CEP97: variants seen among roughly 807,000 people sequenced by gnomAD.
CEP97 encodes centrosomal protein 97, also known as centrosomal protein of 97 kDa.
A neutral mutation model predicts 73.1 loss-of-function variants in CEP97; 43 were observed. The ratio of observed to expected loss-of-function variants is 0.59; its 90% CI spans 0.46 to 0.76. CEP97 has a LOEUF of 0.76. Among genes scored for constraint, CEP97 ranks in the 30% least tolerant of loss-of-function variants. The probability of loss-of-function intolerance (pLI) is 0.00; values close to 1 mark genes in which losing one functional copy is unlikely to be tolerated. For synonymous variants in CEP97, 337 were observed against 370.0 expected (o/e 0.91, Z 1.02); for missense variants, 939 against 1,014.0 (o/e 0.93, Z 1.00).
At chr3:101,732,237 G>A in intron 5 of CEP97, among the ~76,000 whole-genome samples, 1 of 152,120 alleles carries the variant, frequency 6.6e-6, no homozygotes, top group East Asian at 1.9e-4. Flanking sequence ...ACCTTTCCTG[G>A]CTGCTGTGAT....
intron 6 of CEP97, among the ~76,000 whole-genome samples, chr3:101,751,577 C>A (rs552376167): frequency 3.0e-4 from 45 of 152,266 alleles, no homozygotes; most frequent in African/African-American, 1.1e-3. Flanking sequence ...TAAAGACTTG[C>A]TTTATGAATC....
At chr3:101,758,506 C>A in intron 9 of CEP97, 83 bp downstream of exon 9, 1 of 1,497,544 alleles carries the variant, frequency 6.7e-7, no homozygotes, top group South Asian at 1.2e-5. Context: ...CACTGTGCTT[C>A]TGTGATTATA....
At chr3:101,752,497 CT>C (rs1294252535) in intron 6 of CEP97, among the ~76,000 whole-genome samples, 1 of 152,196 alleles carries the variant, frequency 6.6e-6, no homozygotes, top group Non-Finnish European at 1.5e-5. Context: ...TGTTTTCCAA[CT>C]TGGTTCCATT....
chr3:101,733,410 A>T (rs2107137797), intron 6 of CEP97, among the ~76,000 whole-genome samples: 1 of 152,302 alleles, frequency 6.6e-6, no homozygotes, highest in Non-Finnish European at 1.5e-5. Flanking sequence ...CAGTATTAGT[A>T]GTATCTTAGA....
rs1441882108 is a variant in CEP97 at position 101,766,116 on chromosome 3, G to A, written c.*565G>A. The stretch of plus-strand genomic sequence containing the variant: ...TCTATAAGCAAATTAAGGAAGAAAA[G>A]GTAGGATTATAAGATTTCTCAATGG... On this transcript the variant is annotated 3_prime_UTR_variant, in exon 11 of 11. Transcript: ENST00000341893. 1 of 152,046 alleles carries A rather than the reference G, an allele frequency of 6.6e-6. No individual in the cohort carries two copies. The highest frequency in any genetic ancestry group is 2.4e-5 in the African/African-American group (1 of 41,396). 9.4% of individuals were successfully genotyped at this position (152,046 alleles called of 1,614,324 possible).
chr3:101,752,231 C>T (rs1236233531), intron 6 of CEP97, among the ~76,000 whole-genome samples: 2 of 152,330 alleles, frequency 1.3e-5, no homozygotes, highest in Admixed American at 1.3e-4. Flanking sequence ...CCCCCACTCT[C>T]TTCTGGCTTG....
At chr3:101,742,208 C>T (rs1938481350) in intron 6 of CEP97, among the ~76,000 whole-genome samples, 1 of 151,984 alleles carries the variant, frequency 6.6e-6, no homozygotes, top group African/African-American at 2.4e-5. Context: ...CCAGAAATAC[C>T]ATCTGACTCA....
chr3:101,761,407 T>G (rs1243460382), intron 9 of CEP97, among the ~76,000 whole-genome samples: 1 of 152,134 alleles, frequency 6.6e-6, no homozygotes. Flanking sequence ...AGAGCATCCA[T>G]GTGAATGTTG....
At position 101,765,367 on chromosome 3, in the gene CEP97, T is replaced by A; in HGVS notation, c.2414T>A (p.Phe805Tyr). ...TRDSKLHIAC[F>Y]PVQLDTLSDG... ...GATAGCAAACTTCACATTGCTTGTT[T>A]CCCAGTACAGTTAGATACATTGTCT... Residue 805 changes from phenylalanine to tyrosine, a missense_variant, in exon 11 of 11, where the codon TTC (phenylalanine) becomes TAC (tyrosine). By Grantham distance (22) the Phe-to-Tyr change is conservative. Transcript: ENST00000341893. 1.2e-6 allele frequency: 2 copies of A among 1,614,190 alleles called. No individual in the cohort carries two copies. Among genetic ancestry groups the A allele is most frequent in the Non-Finnish European group, 1.7e-6 (2 of 1,180,034 alleles).
chr3:101,734,369 C>T (rs755035260), intron 6 of CEP97, among the ~76,000 whole-genome samples: 3 of 152,194 alleles, frequency 2.0e-5, no homozygotes, highest in Non-Finnish European at 4.4e-5. Flanking sequence ...CTTCATTTAA[C>T]TTTTTTCTCT....
intron 6 of CEP97, among the ~76,000 whole-genome samples, chr3:101,736,241 A>C (rs1310014824): frequency 6.6e-6 from 1 of 152,166 alleles, no homozygotes; most frequent in Non-Finnish European, 1.5e-5. Flanking sequence ...GGGACAGAGC[A>C]CCTGGGGGAA....
At chr3:101,732,873 C>G (rs1200852442) in intron 6 of CEP97, among the ~76,000 whole-genome samples, 2 of 151,788 alleles carry the variant, frequency 1.3e-5, no homozygotes, top group Admixed American at 1.3e-4. Context: ...GCCTGTAATC[C>G]TTGCACTTTG....
At chr3:101,744,447 G>A (rs568422114) in intron 6 of CEP97, among the ~76,000 whole-genome samples, 6 of 152,188 alleles carry the variant, frequency 3.9e-5, no homozygotes, top group South Asian at 2.1e-4. Flanking sequence ...GCTGGGTGTG[G>A]TAGCACATGC....
rs752789865 is a variant in CEP97 at position 101,757,860 on chromosome 3, A to C, written c.1254A>C (p.Thr418=). 1.2e-6 allele frequency: 2 copies of C among 1,614,236 alleles called. No individual in the cohort carries two copies. The highest frequency in any genetic ancestry group is 2.2e-5 in the South Asian group (2 of 91,092). The change falls in exon 9 of 11, where the codon ACA becomes ACC. Residue 418 remains threonine, a synonymous_variant. Coordinates refer to ENST00000341893, the MANE Select transcript of CEP97 (RefSeq NM_024548.4). ...VASGLSPLSP[T]VELRLQGINL... is the part of the protein sequence containing the mutation. ...CAGGACTGTCTCCACTATCACCTAC[A>C]GTTGAGCTGAGGCTGCAGGGCATTA... is the stretch of plus-strand genomic sequence containing the variant.
intron 6 of CEP97, among the ~76,000 whole-genome samples, chr3:101,742,602 G>A (rs1156758588): frequency 1.3e-5 from 2 of 152,076 alleles, no homozygotes. Context: ...GGGGGCTAGG[G>A]GAGTGATAGC....
chr3:101,757,677 T>G lies in CEP97; in HGVS notation c.1071T>G (p.Asn357Lys). The change falls in exon 9 of 11, where the codon AAT becomes AAG. Residue 357 changes from asparagine (N) to lysine (K), a missense_variant. Asn to Lys is a moderately conservative substitution (Grantham distance 94). Transcript: ENST00000341893. ...QVNSWVGINSNDDQLFAVKNN... is the reference protein window; with the variant it reads ...QVNSWVGINSKDDQLFAVKNN... ...ATTCTTGGGTTGGGATAAACAGTAA[T>G]GATGATCAGTTATTTGCGGTTAAGA... The G allele has an allele frequency of 6.2e-7, 1 of 1,614,220 alleles. No individual in the cohort carries two copies. The highest frequency in any genetic ancestry group is 2.2e-5 in the East Asian group (1 of 44,890).
chr3:101,752,856 G>A (rs1363128966), intron 6 of CEP97, among the ~76,000 whole-genome samples: 9 of 152,064 alleles, frequency 5.9e-5, no homozygotes, highest in East Asian at 1.9e-4. Flanking sequence ...CCTGTAGCTC[G>A]GAGTAGTTTG....
intron 9 of CEP97, chr3:101,759,344 C>G (rs1293111492): frequency 6.6e-6 from 1 of 152,192 alleles, no homozygotes; most frequent in African/African-American, 2.4e-5. Flanking sequence ...GCTTAATTTT[C>G]TCAGCAATGA....
At chr3:101,731,443 T>G (rs532848660) in intron 4 of CEP97, among the ~76,000 whole-genome samples, 1 of 152,146 alleles carries the variant, frequency 6.6e-6, no homozygotes, top group Non-Finnish European at 1.5e-5. Flanking sequence ...TCAAGCAATC[T>G]TCCCTCCTTG....
Sources: gnomAD v4.1 joint callset for allele counts (sites outside exome capture counted in the v4.1 genomes callset) on GRCh38, gnomAD v4.1.1 for gene constraint, MANE v1.5 for transcripts, NCBI Gene and HGNC (gene_info 2026-07-23, HGNC 2026-07-21) for gene names.